NSRP1: variants seen among roughly 807,000 people sequenced by gnomAD.
NSRP1 encodes the protein nuclear speckle splicing regulatory protein 1.
In NSRP1, 24 loss-of-function variants were observed where a neutral mutation model predicts 54.7. That is an observed-to-expected ratio of 0.44 (90% CI 0.32 to 0.62). NSRP1 has a LOEUF of 0.62. Ranked by LOEUF, NSRP1 falls within the 20% of genes least tolerant of loss-of-function variation. The pLI, the probability that NSRP1 is intolerant of heterozygous loss-of-function variation, is 0.06. For missense variants in NSRP1, 596 were observed against 651.2 expected (o/e 0.92, Z 0.92); for synonymous variants, 210 against 213.8 (o/e 0.98, Z 0.15).
At chr17:30,179,652 T>G (rs971933196) in intron 5 of NSRP1, among the ~76,000 whole-genome samples, 2 of 152,116 alleles carry the variant, frequency 1.3e-5, no homozygotes, top group Admixed American at 6.5e-5. Flanking sequence ...TAAACCCTAG[T>G]TACATTTTTT....
intron 2 of NSRP1, among the ~76,000 whole-genome samples, chr17:30,133,827 C>T (rs2071724222): frequency 6.6e-6 from 1 of 152,200 alleles, no homozygotes; most frequent in Admixed American, 6.5e-5. Context: ...AAAATTCTCT[C>T]CATATCAGCA....
At chr17:30,119,759 T>TC (rs1447355790) in intron 2 of NSRP1, among the ~76,000 whole-genome samples, 5 of 152,208 alleles carry the variant, frequency 3.3e-5, no homozygotes, top group African/African-American at 1.2e-4. Context: ...CACCTTGGCC[T>TC]CCCAAAGTGC....
intron 2 of NSRP1, among the ~76,000 whole-genome samples, chr17:30,163,961 C>T (rs1904635512): frequency 6.6e-6 from 1 of 152,076 alleles, no homozygotes; most frequent in Non-Finnish European, 1.5e-5. Flanking sequence ...GCTGGGATTA[C>T]AGGCATGAGC....
intron 3 of NSRP1, among the ~76,000 whole-genome samples, chr17:30,173,571 T>C (rs1316180283): frequency 3.3e-5 from 5 of 152,240 alleles, no homozygotes. Flanking sequence ...TTTTTGGTCC[T>C]ATTTCCTCTT....
chr17:30,153,701 G>A (rs2143004531), intron 2 of NSRP1, among the ~76,000 whole-genome samples: 1 of 152,234 alleles, frequency 6.6e-6, no homozygotes, highest in Middle Eastern at 3.4e-3. Flanking sequence ...TACATGACTA[G>A]ATGCAACAGG....
At chr17:30,169,347 G>A (rs1179330727) in intron 2 of NSRP1, among the ~76,000 whole-genome samples, 8 of 152,054 alleles carry the variant, frequency 5.3e-5, no homozygotes, top group Non-Finnish European at 1.5e-5. Context: ...GTGACAGACT[G>A]AAGGAGGAGA....
At chr17:30,182,998 C>T (rs755143363) in intron 6 of NSRP1, among the ~76,000 whole-genome samples, 5 of 151,860 alleles carry the variant, frequency 3.3e-5, no homozygotes, top group Admixed American at 6.6e-5. Context: ...TTGATCACAG[C>T]GGCCACATTT....
chr17:30,122,031 G>A (rs1233103233), intron 2 of NSRP1, among the ~76,000 whole-genome samples: 2 of 151,860 alleles, frequency 1.3e-5, no homozygotes, highest in East Asian at 3.9e-4. Flanking sequence ...TCCCTATTCT[G>A]CACATTTCAT....
In NSRP1 at chr17:30,149,480, A is replaced by G. The variant is rs571184951; in HGVS notation, c.115-23062A>G. On this transcript the variant is annotated intron_variant, in intron 2 of 6. Coordinates refer to ENST00000247026, the MANE Select transcript of NSRP1 (RefSeq NM_032141.4). ...GCCATCTAAAATGGTTGCTGTCCTT[A>G]TATTTCTGAGAGTTGATGCTTTTTA... 3.3e-5 allele frequency among the ~76,000 whole-genome samples: 5 copies of G among 152,296 alleles called. No individual in the cohort carries two copies. In the East Asian group the frequency reaches 9.6e-4, roughly 29 times the overall value.
intron 2 of NSRP1, among the ~76,000 whole-genome samples, chr17:30,165,762 C>T (rs777597205): frequency 9.2e-5 from 14 of 152,176 alleles, no homozygotes; most frequent in Non-Finnish European, 1.6e-4. Flanking sequence ...TGTATGCATC[C>T]TCCATTTTCC....
chr17:30,163,281 C>T (rs1387725014), intron 2 of NSRP1: 1 of 148,492 alleles, frequency 6.7e-6, no homozygotes, highest in Non-Finnish European at 1.5e-5. Flanking sequence ...CCATGTTAGC[C>T]AGCCTGGTCT....
chr17:30,127,003 A>G lies in NSRP1; in HGVS notation c.114+8830A>G, dbSNP rs1358778903. 2.6e-5 allele frequency among the ~76,000 whole-genome samples: 4 copies of G among 152,234 alleles called. No homozygotes were observed. The East Asian group carries it at 7.7e-4, about 29-fold the overall frequency. On this transcript the variant is annotated intron_variant, in intron 2 of 6. Transcript: ENST00000247026. ...CCTTGCAGGGCAACTGTACAACTTC[A>G]TTCTCAGTGTGAAAGCAGCCATTAG...
rs753983645 is a variant in NSRP1 at position 30,185,589 on chromosome 17, CTG to C, written c.1594_1595del (p.Val532AsnfsTer4). The stretch of plus-strand genomic sequence containing the variant: ...TTTGCAAAGCGGAACAATGAAGAAA[CTG>C]TAATGTCAGCTAGAGACAGGTACTT... On this transcript the variant is annotated frameshift_variant, in exon 7 of 7. Transcript: ENST00000247026. LOFTEE classifies it high-confidence loss of function. 1 of 1,613,976 alleles carries C rather than the reference CTG, an allele frequency of 6.2e-7. No homozygotes were observed.
intron 3 of NSRP1, 43 bp downstream of exon 3, chr17:30,172,641 C>T (rs368229267): frequency 8.7e-5 from 132 of 1,512,684 alleles, no homozygotes; most frequent in Non-Finnish European, 1.1e-4. Context: ...TGAAGCATTC[C>T]GGCTCATTTT....
intron 2 of NSRP1, among the ~76,000 whole-genome samples, chr17:30,126,593 C>T (rs1876871440): frequency 1.3e-5 from 2 of 152,066 alleles, no homozygotes; most frequent in Admixed American, 6.6e-5. Context: ...AGCCTAGCTT[C>T]GTATTTATTT....
chr17:30,176,104 GTTGTT>G (rs60387947), intron 3 of NSRP1, among the ~76,000 whole-genome samples: 82,888 of 150,136 alleles, frequency 0.55, 23,526 homozygotes, highest in East Asian at 0.81. Context: ...TGTTGTTGTT[GTTGTT>G]TTGTTTTGTT....
intron 2 of NSRP1, among the ~76,000 whole-genome samples, chr17:30,162,169 C>T (rs558125075): frequency 4.6e-5 from 7 of 152,056 alleles, no homozygotes; most frequent in Admixed American, 2.0e-4. Flanking sequence ...GGACTACAGG[C>T]GCGTGCCACC....
chr17:30,179,221 G>A lies in NSRP1; in HGVS notation c.432G>A (p.Val144=). ...AGTTTGATGATAAAGAAGCATTTGT[G>A]ACATCTGCATATAAGAAAAAACTGC... ...KGEFDDKEAF[V]TSAYKKKLQE... The change falls in exon 5 of 7, where the codon GTG becomes GTA. Residue 144 remains valine, a synonymous_variant. Transcript: ENST00000247026. The A allele has an allele frequency of 6.2e-7, 1 of 1,611,946 alleles. No individual in the cohort carries two copies. The highest frequency in any genetic ancestry group is 1.3e-5 in the African/African-American group (1 of 74,920).
chr17:30,128,911 G>GT (rs886776025), intron 2 of NSRP1, among the ~76,000 whole-genome samples: 5 of 150,434 alleles, frequency 3.3e-5, no homozygotes, highest in Admixed American at 1.3e-4. Context: ...ACAATGAGTG[G>GT]TTTTTTTGTT....
Sources: gnomAD v4.1 joint callset for allele counts (sites outside exome capture counted in the v4.1 genomes callset) on GRCh38, gnomAD v4.1.1 for gene constraint, MANE v1.5 for transcripts, NCBI Gene and HGNC (gene_info 2026-07-23, HGNC 2026-07-21) for gene names.